The following PDE4D variants were observed in gnomAD, a reference collection of about 807,000 sequenced individuals.
PDE4D encodes the protein phosphodiesterase 4D.
Under a neutral mutation model 87.4 loss-of-function variants are expected in PDE4D, and 24 were observed. The observed-to-expected ratio is 0.27, with a 90% CI of 0.20 to 0.39. The LOEUF (loss-of-function observed/expected upper bound fraction) is 0.39, where lower values mean the gene tolerates loss of function less well. Ranked by LOEUF, PDE4D falls within the 10% of genes least tolerant of loss-of-function variation. The pLI is 1.00. For missense variants in PDE4D, 714 were observed against 1,041.0 expected (o/e 0.69, Z 4.32); for synonymous variants, 384 against 383.2 (o/e 1.00, Z -0.02).
chr5:60,057,527 G>A (rs1770911103), intron 2 of PDE4D, among the ~76,000 whole-genome samples: 1 of 151,864 alleles, frequency 6.6e-6, no homozygotes, highest in Non-Finnish European at 1.5e-5. Flanking sequence ...CCCCAGCCCT[G>A]TAGAACTGTG....
At chr5:60,490,368 T>G (rs1403428314), upstream of PDE4D, 1 of 152,194 alleles carries the variant, frequency 6.6e-6, no homozygotes, top group Non-Finnish European at 1.5e-5. Flanking sequence ...ACAAAGGAAG[T>G]GATGTCCCAT....
intron 1 of PDE4D, among the ~76,000 whole-genome samples, chr5:60,375,240 C>T (rs557009543): frequency 2.0e-5 from 3 of 152,170 alleles, no homozygotes; most frequent in Non-Finnish European, 4.4e-5. Flanking sequence ...CCTATGAGGA[C>T]AGGGACATAT....
At chr5:59,843,388 G>A (rs116317644) in intron 1 of PDE4D, among the ~76,000 whole-genome samples, 2,664 of 151,948 alleles carry the variant, frequency 0.018, 82 homozygotes, top group African/African-American at 0.061. Context: ...AAAGATCTCT[G>A]AGATATTGCA....
At chr5:60,140,220 G>A (rs1780412467) in intron 2 of PDE4D, among the ~76,000 whole-genome samples, 1 of 151,864 alleles carries the variant, frequency 6.6e-6, no homozygotes, top group African/African-American at 2.4e-5. Context: ...TATCGTATAT[G>A]TTCTACCAAT....
intron 1 of PDE4D, among the ~76,000 whole-genome samples, chr5:59,579,587 T>C (rs1284656452): frequency 6.6e-6 from 1 of 152,204 alleles, no homozygotes; most frequent in Non-Finnish European, 1.5e-5. Context: ...TCAAAACCAT[T>C]TCATCTGTCA....
At chr5:60,392,413 A>C (rs1762613522) in intron 1 of PDE4D, among the ~76,000 whole-genome samples, 1 of 152,168 alleles carries the variant, frequency 6.6e-6, no homozygotes, top group Non-Finnish European at 1.5e-5. Flanking sequence ...CCTCAGAAAA[A>C]CGACATTGAG....
upstream of PDE4D, among the ~76,000 whole-genome samples, chr5:59,896,205 T>C (rs1751626141): frequency 6.6e-6 from 1 of 152,208 alleles, no homozygotes; most frequent in South Asian, 2.1e-4. Context: ...ATTTTGCAAT[T>C]ATTTAATGAA....
intron 2 of PDE4D, among the ~76,000 whole-genome samples, chr5:59,999,750 G>C (rs539989101): frequency 6.6e-6 from 1 of 151,734 alleles, no homozygotes; most frequent in South Asian, 2.1e-4. Context: ...CAACCAGAAA[G>C]AAATAAAAAT....
At chr5:59,337,331 C>CA (rs200936746) in intron 1 of PDE4D, among the ~76,000 whole-genome samples, 1 of 131,994 alleles carries the variant, frequency 7.6e-6, no homozygotes, top group Non-Finnish European at 1.7e-5. Context: ...GTTCCCCCCC[C>CA]CCCACCTTTT....
At chr5:59,766,019 T>G (rs2152579471) in intron 1 of PDE4D, among the ~76,000 whole-genome samples, 1 of 151,366 alleles carries the variant, frequency 6.6e-6, no homozygotes, top group East Asian at 1.9e-4. Context: ...CAGGAAACTG[T>G]GAGGCAGAAC....
At chr5:59,737,050 C>A (rs536194598) in intron 1 of PDE4D, among the ~76,000 whole-genome samples, 1 of 152,168 alleles carries the variant, frequency 6.6e-6, no homozygotes, top group East Asian at 1.9e-4. Context: ...ATGTTTTTCA[C>A]AGCAATGAGA....
intron 5 of PDE4D, among the ~76,000 whole-genome samples, chr5:59,122,552 A>G (rs1774725249): frequency 6.6e-6 from 1 of 152,234 alleles, no homozygotes; most frequent in Admixed American, 6.5e-5. Context: ...ACACACAGGC[A>G]TGATAAATAC....
chr5:59,738,408 A>G, intron 1 of PDE4D, among the ~76,000 whole-genome samples: 1 of 152,178 alleles, frequency 6.6e-6, no homozygotes, highest in East Asian at 1.9e-4. Flanking sequence ...ATTATAATAA[A>G]TATCTTAGTA....
chr5:59,361,603 G>A (rs761709431), intron 1 of PDE4D, among the ~76,000 whole-genome samples: 2 of 152,084 alleles, frequency 1.3e-5, no homozygotes, highest in African/African-American at 2.4e-5. Context: ...CCCATACCAG[G>A]TGAGGTCTCC....
At chr5:59,395,745 G>A (rs533401762) in intron 1 of PDE4D, among the ~76,000 whole-genome samples, 2 of 131,118 alleles carry the variant, frequency 1.5e-5, no homozygotes, top group Non-Finnish European at 1.6e-5. Context: ...TGACTTTGAC[G>A]AGCTGAGAGA....
chr5:59,876,777 T>C (rs1748662052), intron 1 of PDE4D, among the ~76,000 whole-genome samples: 1 of 152,238 alleles, frequency 6.6e-6, no homozygotes, highest in Admixed American at 6.5e-5. Flanking sequence ...TTTTAAATAA[T>C]GATCTATAAA....
intron 1 of PDE4D, among the ~76,000 whole-genome samples, chr5:60,208,764 G>A (rs966746819): frequency 2.0e-5 from 3 of 152,184 alleles, no homozygotes; most frequent in Non-Finnish European, 4.4e-5. Context: ...ATGCATCAAA[G>A]TGCAGTCTAT....
At chr5:59,458,289 G>A (rs78717570) in intron 1 of PDE4D, among the ~76,000 whole-genome samples, 5,706 of 152,280 alleles carry the variant, frequency 0.037, 317 homozygotes, top group East Asian at 0.13. Flanking sequence ...GACATGTCTT[G>A]CACATCATAA....
At chr5:59,610,361 C>T (rs1347644593) in intron 1 of PDE4D, among the ~76,000 whole-genome samples, 2 of 152,164 alleles carry the variant, frequency 1.3e-5, no homozygotes, top group East Asian at 3.9e-4. Flanking sequence ...ATCTAAAACC[C>T]TATTACTTCA....
Sources: gnomAD v4.1 joint callset for allele counts (sites outside exome capture counted in the v4.1 genomes callset) on GRCh38, gnomAD v4.1.1 for gene constraint, MANE v1.5 for transcripts, NCBI Gene and HGNC (gene_info 2026-07-23, HGNC 2026-07-21) for gene names.